DIS3L2: variants seen among roughly 807,000 people sequenced by gnomAD.
DIS3L2 encodes the protein DIS3 like 3'-5' exoribonuclease 2, also known as DIS3-like exonuclease 2.
A neutral mutation model predicts 97.5 loss-of-function variants in DIS3L2; 34 were observed. The observed-to-expected ratio is 0.35, with a 90% CI of 0.27 to 0.46. The LOEUF (loss-of-function observed/expected upper bound fraction) is 0.46, where lower values mean the gene tolerates loss of function less well. DIS3L2 is among the 20% of genes least tolerant of loss of function. DIS3L2 has a pLI of 1.00. For missense variants in DIS3L2, 1,038 were observed against 1,146.0 expected (o/e 0.91, Z 1.36); for synonymous variants, 435 against 445.2 (o/e 0.98, Z 0.29).
chr2:232,132,668 C>G (rs1437138027), intron 7 of DIS3L2, among the ~76,000 whole-genome samples: 1 of 152,252 alleles, frequency 6.6e-6, no homozygotes, highest in East Asian at 1.9e-4. Context: ...GAAATCCCTC[C>G]AGCAACATCC....
chr2:232,035,416 A>G (rs756674526), intron 5 of DIS3L2, among the ~76,000 whole-genome samples: 23 of 152,048 alleles, frequency 1.5e-4, no homozygotes, highest in Non-Finnish European at 2.5e-4. Flanking sequence ...TGGCTCTCCT[A>G]AATACAGTAC....
At chr2:232,080,550 C>T (rs1209983884) in intron 5 of DIS3L2, among the ~76,000 whole-genome samples, 1 of 152,088 alleles carries the variant, frequency 6.6e-6, no homozygotes, top group Non-Finnish European at 1.5e-5. Context: ...TGTCTAATCA[C>T]TATTTACATT....
intron 11 of DIS3L2, among the ~76,000 whole-genome samples, chr2:232,244,195 G>A (rs531555740): frequency 9.9e-5 from 15 of 152,274 alleles, no homozygotes; most frequent in Middle Eastern, 3.4e-3. Flanking sequence ...ATTTGAGAGC[G>A]TTAGAATGTC....
chr2:232,263,380 C>T lies in DIS3L2; in HGVS notation c.1599C>T (p.His533=), dbSNP rs760229466. ...EEVHQAVLNL[H]GIAKQLRQQR... ...TACACCAGGCCGTCTTGAATCTCCA[C>T]GGAATTGCCAAGCAGTTACGCCAGC... Residue 533 remains histidine (H), a synonymous_variant, in exon 13 of 21, where the codon CAC becomes CAT. Transcript: ENST00000325385. 7.2e-5 allele frequency: 117 copies of T among 1,614,078 alleles called. No homozygotes were observed. Among genetic ancestry groups the T allele is most frequent in the East Asian group, 2.9e-4 (13 of 44,892 alleles).
intron 8 of DIS3L2, among the ~76,000 whole-genome samples, chr2:232,145,196 A>G (rs903083332): frequency 3.9e-5 from 6 of 152,196 alleles, no homozygotes; most frequent in Admixed American, 2.6e-4. Context: ...TATTCCAGAA[A>G]GTAATCTTTT....
At chr2:232,080,776 C>G (rs552454224) in intron 5 of DIS3L2, among the ~76,000 whole-genome samples, 4 of 151,720 alleles carry the variant, frequency 2.6e-5, no homozygotes, top group Admixed American at 2.6e-4. Flanking sequence ...TGGCGTGTGC[C>G]TGTAGTCCCA....
intron 10 of DIS3L2, among the ~76,000 whole-genome samples, chr2:232,234,255 T>A (rs938196649): frequency 3.3e-5 from 5 of 152,254 alleles, no homozygotes; most frequent in African/African-American, 1.2e-4. Context: ...CAAAACGATA[T>A]GCATAGCTGT....
chr2:232,130,490 T>A, intron 6 of DIS3L2, 129 bp from the exon 7 acceptor site: 2 of 1,107,064 alleles, frequency 1.8e-6, no homozygotes, highest in South Asian at 3.8e-5. Flanking sequence ...CGGCCTGGGG[T>A]TCTTCTGTAA....
At chr2:232,169,903 A>G (rs938961545) in intron 9 of DIS3L2, among the ~76,000 whole-genome samples, 1 of 152,178 alleles carries the variant, frequency 6.6e-6, no homozygotes, top group African/African-American at 2.4e-5. Context: ...AAGTTGAGAG[A>G]AATAGTGTTT....
chr2:232,059,212 A>G (rs1279573985), intron 5 of DIS3L2, among the ~76,000 whole-genome samples: 1 of 152,254 alleles, frequency 6.6e-6, no homozygotes, highest in Non-Finnish European at 1.5e-5. Flanking sequence ...GTTATATGGC[A>G]GAACCAGCTT....
At chr2:232,071,537 A>G (rs977130954) in intron 5 of DIS3L2, among the ~76,000 whole-genome samples, 7 of 152,098 alleles carry the variant, frequency 4.6e-5, no homozygotes, top group African/African-American at 1.7e-4. Context: ...AAAGAAAAAA[A>G]AAAAAGAAAC....
At chr2:231,977,998 A>T (rs1574780705) in intron 1 of DIS3L2, among the ~76,000 whole-genome samples, 1 of 152,356 alleles carries the variant, frequency 6.6e-6, no homozygotes, top group East Asian at 1.9e-4. Flanking sequence ...CAACTTCAGA[A>T]GAAAAGATGA....
At chr2:232,236,335 G>GTAC (rs1692929580) in intron 10 of DIS3L2, among the ~76,000 whole-genome samples, 2 of 152,122 alleles carry the variant, frequency 1.3e-5, no homozygotes, top group Non-Finnish European at 2.9e-5. Flanking sequence ...AGAGCAGATG[G>GTAC]TACTGTGTTA....
At chr2:232,270,547 A>G (rs915332044) in intron 13 of DIS3L2, among the ~76,000 whole-genome samples, 8 of 152,354 alleles carry the variant, frequency 5.3e-5, no homozygotes, top group Non-Finnish European at 8.8e-5. Flanking sequence ...AATTTTGAAT[A>G]TTTAAATTAG....
chr2:232,100,189 A>AGT (rs1559628651), intron 6 of DIS3L2, among the ~76,000 whole-genome samples: 1 of 115,980 alleles, frequency 8.6e-6, no homozygotes. Flanking sequence ...ATGCCCTGCT[A>AGT]ATATTTTTTT....
intron 5 of DIS3L2, among the ~76,000 whole-genome samples, chr2:232,083,722 T>C (rs1478573700): frequency 6.6e-6 from 1 of 152,192 alleles, no homozygotes; most frequent in East Asian, 1.9e-4. Context: ...CTTGAACTCC[T>C]GACTGCAAGT....
chr2:232,121,689 C>T (rs75091181), intron 6 of DIS3L2, among the ~76,000 whole-genome samples: 6,426 of 152,198 alleles, frequency 0.042, 209 homozygotes, highest in Non-Finnish European at 0.07. Context: ...AGTACTGGCC[C>T]GCAACCCCAG....
At chr2:232,343,868 T>C (rs1333338111) in exon 14 of DIS3L2, 2 of 325,146 alleles carry the variant, frequency 6.2e-6, no homozygotes, top group Non-Finnish European at 6.0e-6. Context: ...TATGGAGCTT[T>C]CTGAGGATAT....
chr2:232,308,512 C>G (rs988066268), intron 14 of DIS3L2, among the ~76,000 whole-genome samples: 9 of 152,208 alleles, frequency 5.9e-5, no homozygotes, highest in African/African-American at 2.2e-4. Flanking sequence ...CCTTGAAACA[C>G]ACATCATTAA....
Sources: allele counts gnomAD v4.1 joint callset (sites outside exome capture counted in the v4.1 genomes callset), GRCh38; gene constraint gnomAD v4.1.1; transcripts MANE v1.5; gene names NCBI Gene and HGNC (gene_info 2026-07-23, HGNC 2026-07-21).